Variants in CYP20A1 observed in about 807,000 individuals in gnomAD.
CYP20A1 encodes cytochrome P450 20A1.
A neutral mutation model predicts 61.4 loss-of-function variants in CYP20A1; 61 were observed. The ratio of observed to expected loss-of-function variants is 0.99; its 90% confidence interval spans 0.81 to 1.23. CYP20A1 has a LOEUF of 1.23. Among genes scored for constraint, CYP20A1 ranks in the 50% most tolerant of loss-of-function variants. The probability of loss-of-function intolerance (pLI) is 0.00; values close to 1 mark genes in which losing one functional copy is unlikely to be tolerated. For missense variants in CYP20A1, 530 were observed against 542.4 expected (o/e 0.98, Z 0.23); for synonymous variants, 193 against 188.2 (o/e 1.03, Z -0.21).
At position 203,292,312 on chromosome 2, in the gene CYP20A1, G is replaced by A; in HGVS notation, c.1134G>A (p.Trp378Ter). The A allele has an allele frequency of 1.2e-6, 2 of 1,610,748 alleles. No homozygotes were observed. The highest frequency in any genetic ancestry group is 1.7e-6 in the Non-Finnish European group (2 of 1,177,694). The change falls in exon 11 of 13, where the codon TGG becomes TGA. Residue 378 changes from tryptophan to a stop codon, truncating the protein, a stop_gained. Transcript: ENST00000356079. LOFTEE classifies it high-confidence loss of function. ...TGGTACTTCAGGATCCTAATACTTG[G>A]CCATCTCCACACAAGTATGAAATAT... ...LGVVLQDPNT[W>*]PSPHKFDPDR...
chr2:203,249,143 A>G (rs1392215181), intron 3 of CYP20A1, among the ~76,000 whole-genome samples: 1 of 152,266 alleles, frequency 6.6e-6, no homozygotes, highest in Non-Finnish European at 1.5e-5. Flanking sequence ...AACCTCTTAC[A>G]ATGGTACAAG....
intron 3 of CYP20A1, 76 bp from the exon 4 acceptor site, chr2:203,251,891 T>C: frequency 8.5e-7 from 1 of 1,174,966 alleles, no homozygotes. Flanking sequence ...TTTACCTCCC[T>C]GATCTCTTGT....
chr2:203,255,788 C>G (rs2066872758), intron 4 of CYP20A1, among the ~76,000 whole-genome samples: 1 of 152,170 alleles, frequency 6.6e-6, no homozygotes, highest in Non-Finnish European at 1.5e-5. Flanking sequence ...CAGATGTACC[C>G]TGTTCCCTCC....
chr2:203,242,356 A>G (rs1347362069), intron 1 of CYP20A1, among the ~76,000 whole-genome samples: 10 of 152,164 alleles, frequency 6.6e-5, no homozygotes, highest in Admixed American at 5.2e-4. Context: ...AGAGATATCA[A>G]GTATAGATAG....
At chr2:203,277,005 G>A (rs1325083892) in intron 6 of CYP20A1, among the ~76,000 whole-genome samples, 1 of 152,158 alleles carries the variant, frequency 6.6e-6, no homozygotes, top group Non-Finnish European at 1.5e-5. Context: ...GCAGTAAAGT[G>A]GGAGGGAAGT....
At chr2:203,294,309 G>A (rs927591463) in intron 11 of CYP20A1, among the ~76,000 whole-genome samples, 5 of 151,790 alleles carry the variant, frequency 3.3e-5, no homozygotes, top group East Asian at 1.9e-4. Context: ...AGGCCGAGGC[G>A]GGCAGATCAC....
intron 1 of CYP20A1, among the ~76,000 whole-genome samples, chr2:203,240,072 G>C (rs1428283578): frequency 6.6e-6 from 1 of 152,136 alleles, no homozygotes; most frequent in Non-Finnish European, 1.5e-5. Flanking sequence ...CTGCAGCCTG[G>C]CGACAGAGCC....
At chr2:203,266,306 A>G (rs2067320552) in intron 4 of CYP20A1, among the ~76,000 whole-genome samples, 1 of 151,966 alleles carries the variant, frequency 6.6e-6, no homozygotes, top group South Asian at 2.1e-4. Context: ...GTTTTGTTTT[A>G]CATATCAGCC....
chr2:203,284,337 T>G (rs1396303073), intron 8 of CYP20A1, among the ~76,000 whole-genome samples: 1 of 152,202 alleles, frequency 6.6e-6, no homozygotes, highest in Non-Finnish European at 1.5e-5. Context: ...TGGTGTCAGC[T>G]CAAACATATT....
rs918705982 is a variant in CYP20A1, at chr2:203,273,851, G to A, written c.679+1103G>A. ...AATCCCAGCTACTCAAAAGGCTGAG[G>A]CATGAGAACCGCTTGAACCCTGGAG... On this transcript the variant is annotated intron_variant, in intron 6 of 12. Transcript: ENST00000356079. Among the ~76,000 whole-genome samples, 4 of 152,128 alleles carry A rather than the reference G, an allele frequency of 2.6e-5. No individual in the cohort carries two copies. The East Asian group carries it at 7.7e-4, about 29-fold the overall frequency.
chr2:203,246,646 A>G, intron 2 of CYP20A1, 109 bp from the exon 3 acceptor site: 1 of 1,124,216 alleles, frequency 8.9e-7, no homozygotes, highest in Non-Finnish European at 1.3e-6. Context: ...TTTGAATTTC[A>G]TGAACCTTTG....
At position 203,246,891 on chromosome 2, in the gene CYP20A1, C is replaced by G; in HGVS notation, c.259C>G (p.Leu87Val). Residue 87 changes from leucine to valine, a missense_variant, in exon 3 of 13, where the codon CTG (leucine) becomes GTG (valine). By Grantham distance (32) the Leu-to-Val change is conservative (BLOSUM62 1). Transcript: ENST00000356079. ...GGTTAGTTTGGGCACTGTTGATGTA[C>G]TGAAGCAGCATATCAATCCCAATAA... is the stretch of plus-strand genomic sequence containing the variant. ...LVVSLGTVDV[L>V]KQHINPNKTS... 1 of 1,613,990 alleles carries G rather than the reference C, an allele frequency of 6.2e-7. No homozygotes were observed. Among genetic ancestry groups the G allele is most frequent in the South Asian group, 1.1e-5 (1 of 91,048 alleles).
At chr2:203,266,433 T>C in intron 4 of CYP20A1, 81 bp from the exon 5 acceptor site, 1 of 1,282,714 alleles carries the variant, frequency 7.8e-7, no homozygotes, top group African/African-American at 1.5e-5. Context: ...CTGTTTGCCA[T>C]TAAATGAATC....
At chr2:203,285,461 T>C in intron 8 of CYP20A1, 151 bp from the exon 9 acceptor site, 1 of 718,102 alleles carries the variant, frequency 1.4e-6, no homozygotes, top group Non-Finnish European at 2.0e-6. Context: ...TGAAGAATTT[T>C]ACTTTTTAGT....
At chr2:203,292,423 A>G in intron 11 of CYP20A1, 97 bp downstream of exon 11, 1 of 804,642 alleles carries the variant, frequency 1.2e-6, no homozygotes, top group Non-Finnish European at 2.1e-6. Flanking sequence ...CTCAATATGT[A>G]GCAATGATAC....
rs1399509343 is a variant in CYP20A1 at position 203,300,623 on chromosome 2, C to A, written c.*3715C>A. On this transcript the variant is annotated 3_prime_UTR_variant, in exon 13 of 13. Coordinates refer to ENST00000356079, the MANE Select transcript of CYP20A1 (RefSeq NM_177538.3). Reference sequence around the variant, plus strand: ...ACATAAGCATGGCCGGGCACAGTGGCTCACACCTGTAATCCCAGCTCTTTG... The same window carrying A: ...ACATAAGCATGGCCGGGCACAGTGGATCACACCTGTAATCCCAGCTCTTTG... Among the ~76,000 whole-genome samples the A allele has an allele frequency of 2.0e-5, 3 of 152,144 alleles. No individual in the cohort carries two copies. The highest frequency in any genetic ancestry group is 4.4e-5 in the Non-Finnish European group (3 of 68,024).
At chr2:203,280,938 TTCATTTCC>T (rs1328901572) in intron 8 of CYP20A1, among the ~76,000 whole-genome samples, 4 of 152,170 alleles carry the variant, frequency 2.6e-5, no homozygotes, top group Non-Finnish European at 4.4e-5. Context: ...CAGTGAGCTT[TTCATTTCC>T]TGCTGCTGCT....
intron 7 of CYP20A1, 110 bp from the exon 8 acceptor site, chr2:203,279,949 A>G (rs1224702722): frequency 4.6e-6 from 3 of 647,176 alleles, no homozygotes; most frequent in East Asian, 3.2e-5. Flanking sequence ...ATGAAATAAT[A>G]TACTTTTTTT....
chr2:203,266,127 A>G (rs2067313604), intron 4 of CYP20A1, among the ~76,000 whole-genome samples: 1 of 152,128 alleles, frequency 6.6e-6, no homozygotes, highest in Non-Finnish European at 1.5e-5. Flanking sequence ...TTTTATATAT[A>G]TTCATATGTT....
Sources: gnomAD v4.1 joint callset for allele counts (sites outside exome capture counted in the v4.1 genomes callset) on GRCh38, gnomAD v4.1.1 for gene constraint, MANE v1.5 for transcripts, NCBI Gene and HGNC (gene_info 2026-07-23, HGNC 2026-07-21) for gene names.